ATP6V1H: variants seen among roughly 807,000 people sequenced by gnomAD.
ATP6V1H encodes ATPase H+ transporting V1 subunit H, also known as V-type proton ATPase subunit H.
ATP6V1H carries 39 observed loss-of-function variants against 71.7 expected under a neutral mutation model. That is an observed-to-expected ratio of 0.54 (90% CI 0.42 to 0.71). The LOEUF is 0.71. Ranked by LOEUF, ATP6V1H falls within the 30% of genes least tolerant of loss-of-function variation. The pLI is 0.00. For synonymous variants in ATP6V1H, 192 were observed against 199.3 expected, an observed-to-expected ratio of 0.96 and a Z score of 0.31; for missense variants, 509 against 594.9, an observed-to-expected ratio of 0.86 and a Z score of 1.50.
At chr8:53,727,628 A>G (rs1328059518) in intron 13 of ATP6V1H, among the ~76,000 whole-genome samples, 1 of 152,196 alleles carries the variant, frequency 6.6e-6, no homozygotes, top group Non-Finnish European at 1.5e-5. Flanking sequence ...TGTTCTACAC[A>G]CATTTTTTCA....
In ATP6V1H at chr8:53,829,482, C is replaced by T. The variant is rs200564944; in HGVS notation, c.268G>A (p.Val90Ile). 6.9e-6 allele frequency: 11 copies of T among 1,603,466 alleles called. No individual in the cohort carries two copies. The highest frequency in any genetic ancestry group is 8.5e-6 in the Non-Finnish European group (10 of 1,175,982). Residue 90 changes from valine (V) to isoleucine (I), a missense_variant, in exon 4 of 14, where the codon GTT becomes ATT. Physicochemically the swap from Val to Ile is conservative, Grantham distance 29. Transcript: ENST00000359530. ...TCCACCATAGTTAGTATATACTGAA[C>T]GGTCTGTTCTTTGCAGATATGAGTC... ...LMTHICKEQT[V>I]QYILTMVDDM...
intron 4 of ATP6V1H, among the ~76,000 whole-genome samples, chr8:53,822,621 AG>A (rs1563482823): frequency 6.6e-6 from 1 of 152,188 alleles, no homozygotes; most frequent in Non-Finnish European, 1.5e-5. Flanking sequence ...TAATGCACAC[AG>A]TAATCATAAC....
chr8:53,768,556 GAATA>G (rs1180327533), intron 11 of ATP6V1H, among the ~76,000 whole-genome samples: 5 of 152,050 alleles, frequency 3.3e-5, no homozygotes, highest in African/African-American at 9.7e-5. Flanking sequence ...ACTGATGAGT[GAATA>G]AATAAAATGT....
chr8:53,798,377 A>G (rs917050036), intron 8 of ATP6V1H, among the ~76,000 whole-genome samples: 1 of 152,122 alleles, frequency 6.6e-6, no homozygotes, highest in African/African-American at 2.4e-5. Context: ...TACAAAAATT[A>G]GCTGGGGGTA....
At chr8:53,820,571 GTGCGAGGA>G (rs1390262170) in intron 4 of ATP6V1H, among the ~76,000 whole-genome samples, 2 of 151,566 alleles carry the variant, frequency 1.3e-5, no homozygotes, top group African/African-American at 2.4e-5. Flanking sequence ...AGATGCTGAG[GTGCGAGGA>G]TCGTTTGAAC....
chr8:53,816,592 T>A (rs1283240747), intron 5 of ATP6V1H, among the ~76,000 whole-genome samples: 7 of 151,992 alleles, frequency 4.6e-5, no homozygotes, highest in Non-Finnish European at 1.0e-4. Context: ...GGTCAGGAGT[T>A]CAAGACCAGC....
At chr8:53,802,520 G>A (rs1178874691) in intron 7 of ATP6V1H, among the ~76,000 whole-genome samples, 1 of 151,948 alleles carries the variant, frequency 6.6e-6, no homozygotes, top group East Asian at 1.9e-4. Context: ...GGAGCTCGAG[G>A]CTAGCCCGGG....
intron 11 of ATP6V1H, among the ~76,000 whole-genome samples, chr8:53,758,794 T>C (rs1411642138): frequency 6.6e-6 from 1 of 152,246 alleles, no homozygotes; most frequent in East Asian, 1.9e-4. Context: ...TTTTTGTAAA[T>C]GTTTTACTGG....
chr8:53,831,412 T>C (rs1449857794), intron 3 of ATP6V1H, among the ~76,000 whole-genome samples: 5 of 152,246 alleles, frequency 3.3e-5, no homozygotes, highest in Admixed American at 3.3e-4. Flanking sequence ...CATGGTAGTA[T>C]AATCTTACAA....
chr8:53,751,773 G>A (rs188685739), intron 12 of ATP6V1H, among the ~76,000 whole-genome samples: 102 of 151,880 alleles, frequency 6.7e-4, no homozygotes, highest in Middle Eastern at 6.8e-3. Context: ...GGGTTCAAGC[G>A]ATTCTCCTGC....
chr8:53,773,017 T>C (rs1268784296), intron 9 of ATP6V1H, among the ~76,000 whole-genome samples: 1 of 151,512 alleles, frequency 6.6e-6, no homozygotes, highest in Non-Finnish European at 1.5e-5. Flanking sequence ...GCTGAACAAA[T>C]GCAAAAAGTG....
chr8:53,750,007 T>A (rs989448699), intron 12 of ATP6V1H, among the ~76,000 whole-genome samples: 1 of 152,194 alleles, frequency 6.6e-6, no homozygotes, highest in Non-Finnish European at 1.5e-5. Flanking sequence ...TTCCTGAACA[T>A]CATGTATTTT....
At position 53,769,754 on chromosome 8, in the gene ATP6V1H, G is replaced by A. The variant is rs370578376; in HGVS notation, c.1050-11C>T. 3.8e-6 allele frequency: 6 copies of A among 1,588,604 alleles called. No individual in the cohort carries two copies. The highest frequency in any genetic ancestry group is 1.4e-5 in the African/African-American group (1 of 73,630). ...TATTCATCAAATGAACTATAAAAAT[G>A]TTCAAAAGAATTCAAGGTTTATAAG... On this transcript the variant is annotated splice_polypyrimidine_tract_variant and intron_variant, in intron 10 of 13. Coordinates refer to ENST00000359530, the MANE Select transcript of ATP6V1H (RefSeq NM_015941.4).
chr8:53,742,241 C>G (rs1438023906), intron 13 of ATP6V1H, among the ~76,000 whole-genome samples: 1 of 152,158 alleles, frequency 6.6e-6, no homozygotes, highest in African/African-American at 2.4e-5. Flanking sequence ...TTCTTTAATT[C>G]TAGGGACTGC....
chr8:53,775,384 C>T (rs984369426), intron 9 of ATP6V1H, among the ~76,000 whole-genome samples: 1 of 152,196 alleles, frequency 6.6e-6, no homozygotes, highest in Admixed American at 6.5e-5. Flanking sequence ...AATGCTGGCT[C>T]GGGCAGCCTG....
chr8:53,815,010 C>A (rs1295090101), intron 5 of ATP6V1H, among the ~76,000 whole-genome samples: 1 of 152,096 alleles, frequency 6.6e-6, no homozygotes, highest in South Asian at 2.1e-4. Flanking sequence ...TTGACACTCC[C>A]TGTATTATTT....
Position 53,777,936 on chromosome 8 carries a change from T to C in ATP6V1H, c.871-5769A>G, listed in dbSNP as rs1808951926. On this transcript the variant is annotated intron_variant, in intron 9 of 13. Transcript: ENST00000359530. The stretch of plus-strand genomic sequence containing the variant: ...TCATATTAATATATACCTGGATAAA[T>C]ATAAAACACTGTTTTTCCCTCTTTA... 2.0e-5 allele frequency among the ~76,000 whole-genome samples: 3 copies of C among 152,146 alleles called. No individual in the cohort carries two copies. In the South Asian group the frequency reaches 6.2e-4, roughly 32 times the overall value.
chr8:53,722,223 TCTTC>T (rs1383171754), intron 13 of ATP6V1H, among the ~76,000 whole-genome samples: 2 of 152,218 alleles, frequency 1.3e-5, no homozygotes, highest in Non-Finnish European at 1.5e-5. Context: ...ATCGGCAGCA[TCTTC>T]TGTGCTTCAT....
intron 9 of ATP6V1H, among the ~76,000 whole-genome samples, chr8:53,784,493 T>C (rs1809296042): frequency 6.6e-6 from 1 of 152,190 alleles, no homozygotes; most frequent in South Asian, 2.1e-4. Context: ...CTTTATCCAA[T>C]TTGCCAGTCT....
Sources: allele counts gnomAD v4.1 joint callset (sites outside exome capture counted in the v4.1 genomes callset), GRCh38; gene constraint gnomAD v4.1.1; transcripts MANE v1.5; gene names NCBI Gene and HGNC (gene_info 2026-07-23, HGNC 2026-07-21).